Variants in TMLHE observed in about 807,000 individuals in gnomAD.
TMLHE encodes the protein trimethyllysine dioxygenase, mitochondrial.
TMLHE carries 18 observed loss-of-function variants against 25.7 expected under a neutral mutation model. The observed-to-expected ratio is 0.70, with a 90% CI of 0.48 to 1.04. TMLHE has a LOEUF of 1.04. TMLHE is among the 50% of genes least tolerant of loss of function. The pLI is 0.00. For missense variants in TMLHE, 236 were observed against 259.0 expected, an observed-to-expected ratio of 0.91 and a Z score of 0.61; for synonymous variants, 105 against 97.0, an observed-to-expected ratio of 1.08 and a Z score of -0.49.
intron 2 of TMLHE, among the ~76,000 whole-genome samples, chrX:155,527,697 C>CA (rs1277449268): frequency 1.0e-4 from 11 of 110,359 alleles, no homozygotes; most frequent in Admixed American, 4.8e-4. Context: ...TCATATAATT[C>CA]AAAAAAAATA....
intron 1 of TMLHE, among the ~76,000 whole-genome samples, chrX:155,573,761 C>G (rs1166383161): frequency 4.3e-5 from 2 of 46,957 alleles, no homozygotes; most frequent in Non-Finnish European, 9.8e-5. Context: ...CATATTCTCA[C>G]TCATAGGTGG....
intron 1 of TMLHE, among the ~76,000 whole-genome samples, chrX:155,549,793 A>G (rs2067401011): frequency 9.1e-6 from 1 of 109,809 alleles, no homozygotes; most frequent in Non-Finnish European, 1.9e-5. Flanking sequence ...TTTGTTACAT[A>G]GGTATACAAA....
At chrX:155,529,543 A>G (rs2067237873) in intron 2 of TMLHE, among the ~76,000 whole-genome samples, 1 of 111,419 alleles carries the variant, frequency 9.0e-6, no homozygotes. Flanking sequence ...TAGGTATTCT[A>G]ATGGGTGTCA....
intron 1 of TMLHE, among the ~76,000 whole-genome samples, chrX:155,551,643 T>A (rs1199652350): frequency 9.1e-6 from 1 of 110,018 alleles, no homozygotes; most frequent in Non-Finnish European, 1.9e-5. Flanking sequence ...TTAGAAATTC[T>A]GTTTATCCTC....
intron 1 of TMLHE, among the ~76,000 whole-genome samples, chrX:155,546,656 T>C (rs2067347056): frequency 9.0e-6 from 1 of 111,136 alleles, no homozygotes; most frequent in East Asian, 2.8e-4. Context: ...TACTAATCAC[T>C]AGGGAGCAGT....
chrX:155,560,671 CAAAAGAAA>C (rs2067491792), intron 1 of TMLHE, among the ~76,000 whole-genome samples: 1 of 44,110 alleles, frequency 2.3e-5, no homozygotes, highest in South Asian at 1.3e-3. Flanking sequence ...CTGTTGTGGC[CAAAAGAAA>C]AAAAAAAGAA....
At chrX:155,548,360 TAATAATCAAGCA>T (rs2124419528) in intron 1 of TMLHE, among the ~76,000 whole-genome samples, 2 of 112,131 alleles carry the variant, frequency 1.8e-5, no homozygotes, top group African/African-American at 6.5e-5. Flanking sequence ...GACAAGGGAT[TAATAATCAAGCA>T]ATTTGCAAAC....
intron 1 of TMLHE, among the ~76,000 whole-genome samples, chrX:155,572,451 C>A (rs1359844556): frequency 1.8e-5 from 1 of 56,292 alleles, no homozygotes; most frequent in African/African-American, 4.3e-5. Flanking sequence ...CATCAAGCTA[C>A]CAATGACTTT....
intron 1 of TMLHE, among the ~76,000 whole-genome samples, chrX:155,545,693 C>G (rs971795166): frequency 1.8e-5 from 2 of 111,733 alleles, no homozygotes; most frequent in Admixed American, 9.4e-5. Flanking sequence ...AATGCATTAC[C>G]TTTTCTATGT....
At chrX:155,534,383 G>A (rs1261883610) in intron 2 of TMLHE, among the ~76,000 whole-genome samples, 5 of 110,824 alleles carry the variant, frequency 4.5e-5, no homozygotes, top group African/African-American at 1.6e-4. Context: ...ATAGGTGCCC[G>A]CCACCATGCC....
chrX:155,600,490 C>T (rs1557347095), intron 1 of TMLHE, among the ~76,000 whole-genome samples: 1 of 111,848 alleles, frequency 8.9e-6, no homozygotes, highest in Admixed American at 9.5e-5. Context: ...TTGGTAGAGT[C>T]TTTCAAGATG....
rs781797381 is a variant in TMLHE, at chrX:155,548,355, G to C, written c.-1-3078C>G. On this transcript the variant is annotated intron_variant, in intron 1 of 7. Transcript: ENST00000334398. ...AATTTGCCAACCACCCATCTGACAA[G>C]GGATTAATAATCAAGCAATTTGCAA... Among the ~76,000 whole-genome samples the C allele has an allele frequency of 8.0e-5, 9 of 112,123 alleles. 1 individual carries two copies. The South Asian group carries it at 3.4e-3, about 42-fold the overall frequency.
intron 1 of TMLHE, among the ~76,000 whole-genome samples, chrX:155,550,011 G>C (rs782245069): frequency 4.5e-5 from 5 of 110,389 alleles, no homozygotes; most frequent in Non-Finnish European, 9.4e-5. Flanking sequence ...TGCTGAGAAT[G>C]ATGGTTTCCA....
intron 1 of TMLHE, among the ~76,000 whole-genome samples, chrX:155,576,258 AAC>A (rs2067588496): frequency 9.0e-6 from 1 of 111,531 alleles, no homozygotes; most frequent in Non-Finnish European, 1.9e-5. Context: ...TCGCATTCAC[AAC>A]AGCCACAAGA....
chrX:155,609,284 G>A (rs1557348126), intron 1 of TMLHE, among the ~76,000 whole-genome samples: 1 of 111,585 alleles, frequency 9.0e-6, no homozygotes, highest in African/African-American at 3.3e-5. Flanking sequence ...AAGTAACACA[G>A]GAACAGAAAA....
chrX:155,512,484 C>G (rs1557333846), intron 4 of TMLHE, among the ~76,000 whole-genome samples: 1 of 110,249 alleles, frequency 9.1e-6, no homozygotes, highest in African/African-American at 3.3e-5. Context: ...CATGTCCCTA[C>G]AAAGGACATG....
At chrX:155,578,549 C>T (rs782334361) in intron 1 of TMLHE, among the ~76,000 whole-genome samples, 3 of 112,091 alleles carry the variant, frequency 2.7e-5, no homozygotes, top group African/African-American at 6.5e-5. Context: ...CAACCCATTG[C>T]TGCCACGGCA....
At chrX:155,549,461 T>C (rs957642458) in intron 1 of TMLHE, among the ~76,000 whole-genome samples, 3 of 110,857 alleles carry the variant, frequency 2.7e-5, no homozygotes, top group East Asian at 2.8e-4. Context: ...TTTTAGTAAA[T>C]GTACTTTCTA....
At position 155,524,481 on chromosome X, in the gene TMLHE, C is replaced by T. The variant is rs782437899; in HGVS notation, c.333G>A (p.Leu111=). 3.1e-5 allele frequency: 37 copies of T among 1,198,562 alleles called. No individual in the cohort carries two copies. The East Asian group carries it at 9.9e-4, about 32-fold the overall frequency. ...AAGTGAAAAAGAGTGTGGTCTCATC[C>T]AGACGAATGGTCTTTGGCTTGATAC... is the stretch of plus-strand genomic sequence containing the variant. The part of the protein sequence containing the change: ...DLCIKPKTIR[L]DETTLFFTWP... The change falls in exon 3 of 8, where the codon CTG becomes CTA. Residue 111 remains leucine (L), a synonymous_variant. Coordinates refer to ENST00000334398, the MANE Select transcript of TMLHE (RefSeq NM_018196.4).
Sources: gnomAD v4.1 joint callset for allele counts (sites outside exome capture counted in the v4.1 genomes callset) on GRCh38, gnomAD v4.1.1 for gene constraint, MANE v1.5 for transcripts, NCBI Gene and HGNC (gene_info 2026-07-23, HGNC 2026-07-21) for gene names.